NXNL2: variants seen among roughly 807,000 people sequenced by gnomAD.
The protein encoded by NXNL2 is nucleoredoxin like 2, also known as nucleoredoxin-like protein 2.
Under a neutral mutation model 11.1 loss-of-function variants are expected in NXNL2, and 7 were observed. The observed-to-expected ratio is 0.63, with a 90% CI of 0.36 to 1.18. The LOEUF (loss-of-function observed/expected upper bound fraction) is 1.18, where lower values mean the gene tolerates loss of function less well. Ranked by LOEUF, NXNL2 falls within the 50% of genes most tolerant of loss-of-function variation. NXNL2 has a pLI of 0.02. For synonymous variants in NXNL2, 109 were observed against 101.8 expected, an observed-to-expected ratio of 1.07 and a Z score of -0.42; for missense variants, 233 against 217.7, an observed-to-expected ratio of 1.07 and a Z score of -0.44.
Position 88,567,094 on chromosome 9 carries a change from T to C in NXNL2, c.303-3993T>C, listed in dbSNP as rs370935842. 5.6e-4 allele frequency among the ~76,000 whole-genome samples: 86 copies of C among 152,314 alleles called. 1 individual carries two copies. In the South Asian group the frequency reaches 0.016, roughly 29 times the overall value. ...GCAGAAATTCCATCTGCCTGGTTGA[T>C]AGAACTGGTACATAGTAGATTCTCT... On this transcript the variant is annotated intron_variant, in intron 1 of 2. Transcript: ENST00000375855.
chr9:88,543,896 G>C (rs1489671916), intron 1 of NXNL2, among the ~76,000 whole-genome samples: 1 of 152,184 alleles, frequency 6.6e-6, no homozygotes, highest in Non-Finnish European at 1.5e-5. Flanking sequence ...AAGGCTGGGC[G>C]TGGTGGCTAA....
intron 1 of NXNL2, among the ~76,000 whole-genome samples, chr9:88,566,126 A>G (rs2118513511): frequency 6.6e-6 from 1 of 152,162 alleles, no homozygotes; most frequent in African/African-American, 2.4e-5. Flanking sequence ...ATTTTCTCCC[A>G]TTGCATAGGT....
intron 2 of NXNL2, chr9:88,575,063 C>T: frequency 2.3e-6 from 2 of 853,284 alleles, no homozygotes; most frequent in Non-Finnish European, 2.8e-6. Context: ...CTAAGCTCAC[C>T]CTCCCCTTCT....
At chr9:88,540,461 C>T (rs551748999) in intron 1 of NXNL2, among the ~76,000 whole-genome samples, 18 of 152,234 alleles carry the variant, frequency 1.2e-4, no homozygotes, top group African/African-American at 3.6e-4. Context: ...GAGTTCCACA[C>T]GCGCCTCCCC....
At position 88,535,557 on chromosome 9, in the gene NXNL2, C is replaced by G; in HGVS notation, c.123C>G (p.Ser41Arg). The G allele has an allele frequency of 6.2e-7, 1 of 1,608,836 alleles. No homozygotes were observed. The highest frequency in any genetic ancestry group is 8.5e-7 in the Non-Finnish European group (1 of 1,179,120). The change falls in exon 1 of 2, where the codon AGC (serine) becomes AGG (arginine). Residue 41 changes from serine (S) to arginine (R), a missense_variant. Coordinates refer to ENST00000375854, the MANE Select transcript of NXNL2 (RefSeq NM_001161625.2). ...LYFAAARCAP[S>R]RDFTPLLCDF... ...TCGCGGCGGCCCGGTGCGCGCCGAG[C>G]CGCGACTTCACGCCGCTGCTCTGCG...
chr9:88,548,445 C>T (rs145585462), downstream of NXNL2, among the ~76,000 whole-genome samples: 2,389 of 135,270 alleles, frequency 0.018, 50 homozygotes, highest in African/African-American at 0.06. Flanking sequence ...GTGTGGATCA[C>T]GAGGTCAGGA....
downstream of NXNL2, among the ~76,000 whole-genome samples, chr9:88,578,646 AACTGCTCCAC>A (rs1402998658): frequency 1.3e-5 from 2 of 152,158 alleles, no homozygotes; most frequent in Non-Finnish European, 2.9e-5. Flanking sequence ...CCGGCCTACC[AACTGCTCCAC>A]ACTGCCCCCT....
Position 88,582,598 on chromosome 9 carries a change from T to C in NXNL2, n.552-1401T>C, listed in dbSNP as rs116400873. 1.8e-3 allele frequency among the ~76,000 whole-genome samples: 279 copies of C among 152,042 alleles called. 1 individual carries two copies. Among genetic ancestry groups the C allele is most frequent in the African/African-American group, 6.2e-3 (257 of 41,484 alleles). On this transcript the variant is annotated intron_variant and non_coding_transcript_variant, in intron 1 of 1. Coordinates refer to the NXNL2 transcript ENST00000478686. Reference sequence around the variant, plus strand: ...TTAGAGGCTTAAAACAATCCTTCCTTCCTTCCTTCCTTTCTTCCTTCCTTC... The same window carrying C: ...TTAGAGGCTTAAAACAATCCTTCCTCCCTTCCTTCCTTTCTTCCTTCCTTC...
chr9:88,551,616 C>T (rs1301314868), intron 1 of NXNL2, among the ~76,000 whole-genome samples: 2 of 152,158 alleles, frequency 1.3e-5, no homozygotes, highest in African/African-American at 2.4e-5. Flanking sequence ...TCTTTCTGCA[C>T]AGTTTCTGTT....
At chr9:88,567,637 C>T (rs937520075) in intron 1 of NXNL2, among the ~76,000 whole-genome samples, 9 of 152,282 alleles carry the variant, frequency 5.9e-5, no homozygotes, top group African/African-American at 1.9e-4. Context: ...AATGATTCAT[C>T]TCTGTTTTTC....
downstream of NXNL2, among the ~76,000 whole-genome samples, chr9:88,578,270 C>G (rs1830369532): frequency 6.6e-6 from 1 of 152,190 alleles, no homozygotes; most frequent in Non-Finnish European, 1.5e-5. Flanking sequence ...CGCTGGACCC[C>G]AGGTGGAGAC....
intron 2 of NXNL2, among the ~76,000 whole-genome samples, chr9:88,571,556 C>T (rs1445894313): frequency 6.6e-6 from 1 of 152,202 alleles, no homozygotes; most frequent in African/African-American, 2.4e-5. Flanking sequence ...TTCTCTCCTA[C>T]CACAATTTGG....
chr9:88,566,778 G>A (rs537702496), intron 1 of NXNL2, among the ~76,000 whole-genome samples: 2 of 152,196 alleles, frequency 1.3e-5, no homozygotes, highest in African/African-American at 4.8e-5. Flanking sequence ...TTTCATCAAA[G>A]TTTTGTAGTT....
intron 1 of NXNL2, among the ~76,000 whole-genome samples, chr9:88,560,907 C>A (rs774263060): frequency 6.6e-6 from 1 of 152,062 alleles, no homozygotes; most frequent in South Asian, 2.1e-4. Context: ...GAGAGCACTG[C>A]GCTGGGGGAG....
intron 2 of NXNL2, among the ~76,000 whole-genome samples, chr9:88,572,336 G>A (rs1158711831): frequency 6.6e-6 from 1 of 152,002 alleles, no homozygotes; most frequent in Admixed American, 6.6e-5. Context: ...AGCTCCTAGG[G>A]CTCTCCTGTG....
chr9:88,576,088 G>A (rs2118549562), downstream of NXNL2, among the ~76,000 whole-genome samples: 1 of 152,294 alleles, frequency 6.6e-6, no homozygotes, highest in East Asian at 1.9e-4. Context: ...CCAGCTACTT[G>A]GGAGGCTGAA....
chr9:88,568,404 CCAGA>C (rs1427750484), intron 1 of NXNL2, among the ~76,000 whole-genome samples: 3 of 152,144 alleles, frequency 2.0e-5, no homozygotes, highest in African/African-American at 7.2e-5. Context: ...TCGTCCCTGG[CCAGA>C]CAGCCATGGA....
intron 1 of NXNL2, among the ~76,000 whole-genome samples, chr9:88,552,053 G>C (rs1288814001): frequency 1.3e-5 from 2 of 152,096 alleles, no homozygotes; most frequent in Non-Finnish European, 2.9e-5. Flanking sequence ...TTCCTTATAG[G>C]TGCCTGTATT....
chr9:88,578,115 C>A (rs1830367784), downstream of NXNL2, among the ~76,000 whole-genome samples: 1 of 152,188 alleles, frequency 6.6e-6, no homozygotes, highest in Non-Finnish European at 1.5e-5. Flanking sequence ...GTAGAGGGCA[C>A]CCCTGGCAAT....
Sources: allele counts gnomAD v4.1 joint callset (sites outside exome capture counted in the v4.1 genomes callset), GRCh38; gene constraint gnomAD v4.1.1; transcripts MANE v1.5; gene names NCBI Gene and HGNC (gene_info 2026-07-23, HGNC 2026-07-21).